ATRNL1: variants seen among roughly 807,000 people sequenced by gnomAD.
The protein encoded by ATRNL1 is attractin-like protein 1.
In ATRNL1, 95 loss-of-function variants were observed where a neutral mutation model predicts 182.7. The ratio of observed to expected loss-of-function variants is 0.52; its 90% CI spans 0.44 to 0.62. The LOEUF is 0.62. Ranked by LOEUF, ATRNL1 falls within the 20% of genes least tolerant of loss-of-function variation. The probability of loss-of-function intolerance (pLI) is 0.00; values close to 1 mark genes in which losing one functional copy is unlikely to be tolerated. For synonymous variants in ATRNL1, 576 were observed against 568.3 expected (o/e 1.01, Z -0.19); for missense variants, 1,471 against 1,679.5 (o/e 0.88, Z 2.17).
chr10:115,194,206 T>C (rs1848270980), intron 8 of ATRNL1, among the ~76,000 whole-genome samples: 1 of 151,932 alleles, frequency 6.6e-6, no homozygotes, highest in Non-Finnish European at 1.5e-5. Context: ...AAATGTCTAT[T>C]TGGTCTGTAG....
At chr10:115,900,235 A>T (rs1952317159) in intron 28 of ATRNL1, among the ~76,000 whole-genome samples, 1 of 152,210 alleles carries the variant, frequency 6.6e-6, no homozygotes, top group Admixed American at 6.5e-5. Flanking sequence ...CATACCTCCT[A>T]TTATAACTCA....
chr10:115,649,475 G>T (rs1456748218), intron 26 of ATRNL1, among the ~76,000 whole-genome samples: 1 of 152,066 alleles, frequency 6.6e-6, no homozygotes, highest in African/African-American at 2.4e-5. Context: ...TAAGATAATT[G>T]TAATTGAATT....
At chr10:115,800,526 T>C (rs1287375687) in intron 27 of ATRNL1, among the ~76,000 whole-genome samples, 9 of 152,136 alleles carry the variant, frequency 5.9e-5, no homozygotes, top group African/African-American at 2.2e-4. Flanking sequence ...AGAGGTCTGA[T>C]TCCCCCGCAG....
At chr10:115,752,724 T>G (rs1044045410) in intron 27 of ATRNL1, among the ~76,000 whole-genome samples, 2 of 152,086 alleles carry the variant, frequency 1.3e-5, no homozygotes, top group African/African-American at 2.4e-5. Flanking sequence ...TAATAGACAG[T>G]GAGTACTCCA....
At chr10:115,579,582 A>T (rs561243095) in intron 26 of ATRNL1, among the ~76,000 whole-genome samples, 6 of 151,842 alleles carry the variant, frequency 4.0e-5, no homozygotes, top group Non-Finnish European at 1.5e-5. Context: ...GTCTTTTTCC[A>T]TCCCTTCACT....
At chr10:115,497,474 G>A (rs1849605882) in intron 24 of ATRNL1, among the ~76,000 whole-genome samples, 1 of 152,056 alleles carries the variant, frequency 6.6e-6, no homozygotes, top group African/African-American at 2.4e-5. Context: ...CAATAGTTCT[G>A]TCTCACTCTT....
intron 9 of ATRNL1, among the ~76,000 whole-genome samples, chr10:115,216,343 G>A (rs1849231744): frequency 1.3e-5 from 2 of 152,150 alleles, no homozygotes; most frequent in Non-Finnish European, 2.9e-5. Flanking sequence ...TGCTTTTCAA[G>A]TCACTGTGGT....
intron 28 of ATRNL1, among the ~76,000 whole-genome samples, chr10:115,900,881 C>T (rs781859829): frequency 2.2e-4 from 33 of 152,102 alleles, no homozygotes; most frequent in Non-Finnish European, 4.4e-4. Context: ...GGTCATTTTA[C>T]GGAAGAAGAA....
chr10:115,499,557 A>G (rs543653726), intron 24 of ATRNL1, among the ~76,000 whole-genome samples: 1 of 152,274 alleles, frequency 6.6e-6, no homozygotes, highest in South Asian at 2.1e-4. Flanking sequence ...GGTTTTATAC[A>G]TTTTAGGGAG....
At chr10:115,594,444 T>G (rs1460440900) in intron 26 of ATRNL1, among the ~76,000 whole-genome samples, 1 of 152,188 alleles carries the variant, frequency 6.6e-6, no homozygotes, top group East Asian at 1.9e-4. Flanking sequence ...GGGTGGGTCT[T>G]AATTTGCATA....
At chr10:115,372,912 T>C (rs191391711) in intron 19 of ATRNL1, among the ~76,000 whole-genome samples, 2 of 152,274 alleles carry the variant, frequency 1.3e-5, no homozygotes, top group East Asian at 1.9e-4. Flanking sequence ...TAAAATGCCA[T>C]TGGCATTTTG....
intron 26 of ATRNL1, among the ~76,000 whole-genome samples, chr10:115,663,990 C>T (rs956645065): frequency 6.6e-6 from 1 of 152,118 alleles, no homozygotes; most frequent in Non-Finnish European, 1.5e-5. Context: ...TACCATTTTC[C>T]CACAGCTCCC....
intron 26 of ATRNL1, among the ~76,000 whole-genome samples, chr10:115,648,037 A>G (rs1365641111): frequency 6.6e-6 from 1 of 152,146 alleles, no homozygotes; most frequent in African/African-American, 2.4e-5. Flanking sequence ...TCCCAGCACC[A>G]TTTATTAAAT....
intron 24 of ATRNL1, among the ~76,000 whole-genome samples, chr10:115,515,318 C>CTT (rs56692263): frequency 0.35 from 42,115 of 119,940 alleles, 8,765 homozygotes; most frequent in Non-Finnish European, 0.47. Flanking sequence ...AATAGTTGTT[C>CTT]TTTTTTTTTT....
At chr10:115,917,327 G>A (rs782359962) in intron 28 of ATRNL1, among the ~76,000 whole-genome samples, 38 of 152,104 alleles carry the variant, frequency 2.5e-4, no homozygotes, top group Non-Finnish European at 3.8e-4. Context: ...AAAATTAGCC[G>A]GGCATGGCGG....
intron 10 of ATRNL1, among the ~76,000 whole-genome samples, chr10:115,261,914 A>G (rs1554908928): frequency 6.6e-6 from 1 of 152,058 alleles, no homozygotes; most frequent in South Asian, 2.1e-4. Flanking sequence ...ATTGCTCTAA[A>G]CAAAATTATA....
chr10:115,575,216 AAT>A (rs1201378104), intron 26 of ATRNL1, among the ~76,000 whole-genome samples: 1 of 152,158 alleles, frequency 6.6e-6, no homozygotes, highest in Non-Finnish European at 1.5e-5. Flanking sequence ...AGTTTTAGAA[AAT>A]ATGTGTTGTT....
At chr10:115,786,553 T>C (rs1949401232) in intron 27 of ATRNL1, among the ~76,000 whole-genome samples, 1 of 152,216 alleles carries the variant, frequency 6.6e-6, no homozygotes, top group Non-Finnish European at 1.5e-5. Flanking sequence ...TGTCTTCATA[T>C]GGCCTTCTTA....
chr10:115,558,706 C>G (rs1417838181), intron 26 of ATRNL1, among the ~76,000 whole-genome samples: 1 of 152,176 alleles, frequency 6.6e-6, no homozygotes, highest in Non-Finnish European at 1.5e-5. Flanking sequence ...TTTCTGCCCC[C>G]AGACCTTGGT....
Sources: gnomAD v4.1 joint callset for allele counts (sites outside exome capture counted in the v4.1 genomes callset) on GRCh38, gnomAD v4.1.1 for gene constraint, MANE v1.5 for transcripts, NCBI Gene and HGNC (gene_info 2026-07-23, HGNC 2026-07-21) for gene names.